The following CSGALNACT1 variants were observed in gnomAD, a reference collection of about 807,000 sequenced individuals.
The protein encoded by CSGALNACT1 is chondroitin sulfate N-acetylgalactosaminyltransferase 1.
A neutral mutation model predicts 51.0 loss-of-function variants in CSGALNACT1; 52 were observed. That is an observed-to-expected ratio of 1.02 (90% confidence interval 0.82 to 1.29). The LOEUF is 1.29. CSGALNACT1 is among the 50% of genes most tolerant of loss of function. The pLI is 0.00. For synonymous variants in CSGALNACT1, 341 were observed against 254.4 expected, an observed-to-expected ratio of 1.34 and a Z score of -3.24; for missense variants, 935 against 679.2, an observed-to-expected ratio of 1.38 and a Z score of -4.19.
chr8:19,443,257 T>TGTGTAAATGTGAATATATGTGC lies in CSGALNACT1; in HGVS notation c.852-3348_852-3327dup, dbSNP rs2061605153. On this transcript the variant is annotated intron_variant, in intron 5 of 9. Coordinates refer to ENST00000454498, the Ensembl canonical transcript of CSGALNACT1. ...GTATGTATGTAAACGCAGGTGTGTA[T>TGTGTAAATGTGAATATATGTGC]GTGTAAATGTGAATATATGTGCATG... 3.3e-5 allele frequency among the ~76,000 whole-genome samples: 5 copies of TGTGTAAATGTGAATATATGTGC among 152,356 alleles called. 1 individual carries two copies. In the South Asian group the frequency reaches 1.0e-3, roughly 32 times the overall value.
chr8:19,650,907 G>A (rs959963447), intron 1 of CSGALNACT1, among the ~76,000 whole-genome samples: 4 of 152,120 alleles, frequency 2.6e-5, no homozygotes, highest in Non-Finnish European at 5.9e-5. Flanking sequence ...CGTGTCCTTA[G>A]CAATTTTAAC....
chr8:19,596,642 C>T (rs2048966766), intron 2 of CSGALNACT1, among the ~76,000 whole-genome samples: 3 of 149,566 alleles, frequency 2.0e-5, no homozygotes, highest in African/African-American at 4.9e-5. Context: ...AAAGATCTTA[C>T]CACTGTAAAT....
intron 3 of CSGALNACT1, among the ~76,000 whole-genome samples, chr8:19,514,290 C>G (rs1277241564): frequency 6.6e-6 from 1 of 151,668 alleles, no homozygotes; most frequent in Non-Finnish European, 1.5e-5. Context: ...TGACACCGAG[C>G]TACTTAGCAC....
intron 6 of CSGALNACT1, among the ~76,000 whole-genome samples, chr8:19,425,059 C>T (rs2058562280): frequency 6.6e-6 from 1 of 152,184 alleles, no homozygotes; most frequent in Admixed American, 6.6e-5. Flanking sequence ...GACTGTTCTC[C>T]TGACCAGGTG....
intron 3 of CSGALNACT1, among the ~76,000 whole-genome samples, chr8:19,584,231 G>C (rs2046178935): frequency 6.6e-6 from 1 of 152,190 alleles, no homozygotes; most frequent in Admixed American, 6.5e-5. Context: ...GCTAACATTT[G>C]AGAAATCTTG....
At chr8:19,456,412 G>C (rs2064110844) in intron 5 of CSGALNACT1, among the ~76,000 whole-genome samples, 2 of 152,202 alleles carry the variant, frequency 1.3e-5, no homozygotes, top group African/African-American at 4.8e-5. Flanking sequence ...AAATGAACTT[G>C]CGATAACCTC....
At chr8:19,549,385 A>C (rs918998049) in intron 3 of CSGALNACT1, among the ~76,000 whole-genome samples, 2 of 152,134 alleles carry the variant, frequency 1.3e-5, no homozygotes, top group Non-Finnish European at 2.9e-5. Flanking sequence ...TAACTGCTTC[A>C]ATTTTTCATT....
At chr8:19,454,335 T>C (rs1042877798) in intron 5 of CSGALNACT1, among the ~76,000 whole-genome samples, 5 of 152,164 alleles carry the variant, frequency 3.3e-5, no homozygotes, top group African/African-American at 7.2e-5. Context: ...GAAACTGTAG[T>C]TATAAAGTAG....
At chr8:19,457,824 A>G in intron 5 of CSGALNACT1, 1 of 1,350,790 alleles carries the variant, frequency 7.4e-7, no homozygotes. Flanking sequence ...GGCCTGAAAA[A>G]TGAAACCCAG....
At chr8:19,436,734 C>T (rs1013135110) in intron 6 of CSGALNACT1, among the ~76,000 whole-genome samples, 4 of 152,012 alleles carry the variant, frequency 2.6e-5, no homozygotes, top group African/African-American at 9.7e-5. Context: ...TAGGGAGACA[C>T]TGGCTCTACA....
At chr8:19,664,817 A>T (rs985158907) in intron 1 of CSGALNACT1, among the ~76,000 whole-genome samples, 2 of 152,238 alleles carry the variant, frequency 1.3e-5, no homozygotes, top group African/African-American at 4.8e-5. Flanking sequence ...TTTCTCGCTT[A>T]TAAGTGTGAG....
At chr8:19,405,184 T>C (rs1563233087) in exon 10 of CSGALNACT1, 1 of 449,368 alleles carries the variant, frequency 2.2e-6, no homozygotes, top group Non-Finnish European at 4.4e-6. Flanking sequence ...CGGAGACAGT[T>C]AAAAGGACAA....
At chr8:19,416,914 G>C (rs537979110) in intron 8 of CSGALNACT1, among the ~76,000 whole-genome samples, 34 of 151,972 alleles carry the variant, frequency 2.2e-4, no homozygotes, top group African/African-American at 8.0e-4. Context: ...CCAGGATGGA[G>C]TGCAGTGGTG....
At chr8:19,417,452 G>C (rs1326170970) in intron 8 of CSGALNACT1, among the ~76,000 whole-genome samples, 1 of 152,152 alleles carries the variant, frequency 6.6e-6, no homozygotes, top group Non-Finnish European at 1.5e-5. Context: ...GATGGGGCTG[G>C]AAACAACAGG....
At chr8:19,595,659 T>C (rs1304007335) in intron 2 of CSGALNACT1, among the ~76,000 whole-genome samples, 1 of 152,026 alleles carries the variant, frequency 6.6e-6, no homozygotes, top group Non-Finnish European at 1.5e-5. Context: ...CTCACACCTG[T>C]AATCCCAGCA....
chr8:19,455,486 A>C (rs1160159997), intron 5 of CSGALNACT1, among the ~76,000 whole-genome samples: 2 of 152,168 alleles, frequency 1.3e-5, no homozygotes, highest in Non-Finnish European at 1.5e-5. Flanking sequence ...TTAATTATTT[A>C]ATTGGAGTTT....
chr8:19,711,380 C>G (rs1352277145), intron 1 of CSGALNACT1, among the ~76,000 whole-genome samples: 2 of 152,072 alleles, frequency 1.3e-5, no homozygotes, highest in African/African-American at 4.8e-5. Context: ...GAGAGTGTAA[C>G]AAGTTCAACA....
At chr8:19,551,540 T>TG (rs2154082848) in intron 3 of CSGALNACT1, among the ~76,000 whole-genome samples, 1 of 152,310 alleles carries the variant, frequency 6.6e-6, no homozygotes, top group East Asian at 1.9e-4. Context: ...CTTCTCTCCC[T>TG]GGAAGAACCA....
At chr8:19,418,585 G>A (rs1413932278) in intron 8 of CSGALNACT1, 71 bp downstream of exon 7, 29 of 1,005,096 alleles carry the variant, frequency 2.9e-5, no homozygotes, top group Non-Finnish European at 3.8e-5. Flanking sequence ...CTTTGCTCAT[G>A]GTCAGGTACC....
Sources: gnomAD v4.1 joint callset for allele counts (sites outside exome capture counted in the v4.1 genomes callset) on GRCh38, gnomAD v4.1.1 for gene constraint, MANE v1.5 for transcripts, NCBI Gene and HGNC (gene_info 2026-07-23, HGNC 2026-07-21) for gene names.